Variants in ROR1 observed in about 807,000 individuals in gnomAD.
ROR1 encodes inactive tyrosine-protein kinase transmembrane receptor ROR1.
ROR1 carries 19 observed loss-of-function variants against 78.8 expected under a neutral mutation model. The ratio of observed to expected loss-of-function variants is 0.24; its 90% CI spans 0.17 to 0.35. The LOEUF (loss-of-function observed/expected upper bound fraction) is 0.35, where lower values mean the gene tolerates loss of function less well. Among genes scored for constraint, ROR1 ranks in the 10% least tolerant of loss-of-function variants. The pLI is 1.00. For missense variants in ROR1, 917 were observed against 1,177.8 expected (o/e 0.78, Z 3.24); for synonymous variants, 386 against 433.6 (o/e 0.89, Z 1.36).
intron 1 of ROR1, among the ~76,000 whole-genome samples, chr1:63,945,904 C>A (rs921814502): frequency 6.6e-6 from 1 of 152,184 alleles, no homozygotes; most frequent in African/African-American, 2.4e-5. Flanking sequence ...AATTTTAGTC[C>A]CTCTACTTTG....
At chr1:63,796,946 G>A (rs911862629) in intron 1 of ROR1, among the ~76,000 whole-genome samples, 2 of 152,180 alleles carry the variant, frequency 1.3e-5, no homozygotes, top group Admixed American at 6.5e-5. Flanking sequence ...CATTTTTCAA[G>A]CATATATGAA....
intron 1 of ROR1, among the ~76,000 whole-genome samples, chr1:63,848,613 A>G (rs1312218957): frequency 6.6e-6 from 1 of 150,928 alleles, no homozygotes; most frequent in Non-Finnish European, 1.5e-5. Context: ...TTAAACTACT[A>G]TAAACTGCTT....
intron 2 of ROR1, among the ~76,000 whole-genome samples, chr1:64,032,861 T>A (rs950461163): frequency 3.3e-5 from 5 of 152,192 alleles, no homozygotes; most frequent in African/African-American, 4.8e-5. Context: ...ACAAGAGACT[T>A]TTTTTAAAAA....
At chr1:64,042,767 T>C (rs1043635378) in intron 2 of ROR1, among the ~76,000 whole-genome samples, 3 of 152,140 alleles carry the variant, frequency 2.0e-5, no homozygotes, top group Admixed American at 2.0e-4. Context: ...ATGCTTTGCA[T>C]TGAGTTTATT....
chr1:63,824,213 T>G (rs1644940620), intron 1 of ROR1, among the ~76,000 whole-genome samples: 1 of 152,156 alleles, frequency 6.6e-6, no homozygotes, highest in African/African-American at 2.4e-5. Context: ...CAACAAATGT[T>G]TTCTGTAAAA....
rs535815199 is a variant in ROR1 at position 64,099,319 on chromosome 1, G to A, written c.483-38050G>A. 1.5e-4 allele frequency among the ~76,000 whole-genome samples: 23 copies of A among 152,220 alleles called. 1 individual carries two copies. In the South Asian group the frequency reaches 4.6e-3, roughly 30 times the overall value. On this transcript the variant is annotated intron_variant, in intron 4 of 8. Transcript: ENST00000371079. ...TGTTAAATCTGTGTTCAGTTCTGGC[G>A]ATCCTTCCAATATGCTGGTTTGTTG... is the stretch of plus-strand genomic sequence containing the variant.
chr1:63,958,088 C>G (rs1404816710), intron 1 of ROR1, among the ~76,000 whole-genome samples: 1 of 152,112 alleles, frequency 6.6e-6, no homozygotes, highest in Non-Finnish European at 1.5e-5. Context: ...ACCACAATTC[C>G]TCATTCTTTC....
intron 7 of ROR1, among the ~76,000 whole-genome samples, chr1:64,152,474 G>A (rs1359296): frequency 0.27 from 41,142 of 152,064 alleles, 5,857 homozygotes; most frequent in East Asian, 0.36. Flanking sequence ...AGTGCCATAT[G>A]TAAAATTTTT....
chr1:64,053,002 C>T (rs1646845977), intron 4 of ROR1, among the ~76,000 whole-genome samples: 2 of 152,156 alleles, frequency 1.3e-5, no homozygotes, highest in African/African-American at 2.4e-5. Context: ...CCTCAATAGG[C>T]AGCCAACCTT....
chr1:63,917,697 G>A (rs546584244), intron 1 of ROR1, among the ~76,000 whole-genome samples: 5 of 152,324 alleles, frequency 3.3e-5, no homozygotes, highest in South Asian at 4.1e-4. Flanking sequence ...AAATGGAGAT[G>A]TGGCAGATGG....
At chr1:63,794,160 G>A (rs749056080) in intron 1 of ROR1, among the ~76,000 whole-genome samples, 10 of 152,186 alleles carry the variant, frequency 6.6e-5, no homozygotes, top group Non-Finnish European at 7.3e-5. Flanking sequence ...TATGGGCTCC[G>A]AGAGTCAGCC....
At chr1:63,788,846 G>T (rs1183627620) in intron 1 of ROR1, 1 of 714,610 alleles carries the variant, frequency 1.4e-6, no homozygotes, top group Non-Finnish European at 2.5e-6. Context: ...TTAGCCAGGA[G>T]CTTCATGCGA....
intron 1 of ROR1, among the ~76,000 whole-genome samples, chr1:63,852,769 C>A (rs1263119426): frequency 6.6e-6 from 1 of 152,176 alleles, no homozygotes; most frequent in Non-Finnish European, 1.5e-5. Flanking sequence ...TGTAGCATGA[C>A]AGTTCAGTCT....
intron 4 of ROR1, among the ~76,000 whole-genome samples, chr1:64,070,154 C>A (rs924948599): frequency 1.1e-4 from 16 of 152,100 alleles, no homozygotes; most frequent in African/African-American, 3.1e-4. Context: ...CAGTATGTGG[C>A]CTTTTGTGTT....
intron 1 of ROR1, among the ~76,000 whole-genome samples, chr1:63,820,336 G>A (rs1050321851): frequency 6.6e-5 from 10 of 152,136 alleles, no homozygotes; most frequent in African/African-American, 2.4e-4. Flanking sequence ...CTACCCCCCT[G>A]TACTGCTGCA....
chr1:64,006,672 G>T (rs1049757433), intron 1 of ROR1, among the ~76,000 whole-genome samples: 1 of 152,088 alleles, frequency 6.6e-6, no homozygotes, highest in African/African-American at 2.4e-5. Context: ...TCTGACATCT[G>T]GTCCCCTTGA....
At chr1:64,151,027 C>T (rs1649607082) in intron 7 of ROR1, among the ~76,000 whole-genome samples, 1 of 152,148 alleles carries the variant, frequency 6.6e-6, no homozygotes, top group South Asian at 2.1e-4. Flanking sequence ...TGATTGTTGC[C>T]ACTGGCTTTG....
intron 1 of ROR1, among the ~76,000 whole-genome samples, chr1:63,800,091 C>T (rs986204737): frequency 6.6e-6 from 1 of 152,092 alleles, no homozygotes; most frequent in Non-Finnish European, 1.5e-5. Context: ...CAGCCAGGCT[C>T]AAAGATGGGG....
rs796096759 is a variant in ROR1, at chr1:64,087,703, G to A, written c.482+36987G>A. Among the ~76,000 whole-genome samples, 12 of 152,298 alleles carry A rather than the reference G, an allele frequency of 7.9e-5. 1 individual carries two copies. The South Asian group carries it at 8.3e-4, about 11-fold the overall frequency. Reference sequence around the variant, plus strand: ...GGTCTGGGCAAAAAGAAACAAAAATGTAGGGAGGGGAGCCCTGCAGCATGA... The same window carrying A: ...GGTCTGGGCAAAAAGAAACAAAAATATAGGGAGGGGAGCCCTGCAGCATGA... On this transcript the variant is annotated intron_variant, in intron 4 of 8. Transcript: ENST00000371079.
Sources: gnomAD v4.1 joint callset for allele counts (sites outside exome capture counted in the v4.1 genomes callset) on GRCh38, gnomAD v4.1.1 for gene constraint, MANE v1.5 for transcripts, NCBI Gene and HGNC (gene_info 2026-07-23, HGNC 2026-07-21) for gene names.